Variants in PHTF2 observed in about 807,000 individuals in gnomAD.
PHTF2 encodes the protein putative homeodomain transcription factor 2, also known as protein PHTF2.
A neutral mutation model predicts 101.2 loss-of-function variants in PHTF2; 60 were observed. The observed-to-expected ratio is 0.59, with a 90% CI of 0.48 to 0.73. The LOEUF is 0.73. Ranked by LOEUF, PHTF2 falls within the 30% of genes least tolerant of loss-of-function variation. The probability of loss-of-function intolerance (pLI) is 0.00; values close to 1 mark genes in which losing one functional copy is unlikely to be tolerated. For synonymous variants in PHTF2, 311 were observed against 307.3 expected (o/e 1.01, Z -0.13); for missense variants, 747 against 908.7 (o/e 0.82, Z 2.29).
chr7:77,940,600 T>A (rs1805564400), exon 15 of PHTF2: 1 of 1,607,418 alleles, frequency 6.2e-7, no homozygotes, highest in East Asian at 2.2e-5. Flanking sequence ...GGTTCCTCAT[T>A]TCCGGTTGAA....
intron 3 of PHTF2, among the ~76,000 whole-genome samples, chr7:77,860,016 A>G (rs910385422): frequency 3.9e-5 from 6 of 152,220 alleles, no homozygotes; most frequent in Admixed American, 1.3e-4. Context: ...TATTATAAAT[A>G]ATAATAACAT....
intron 2 of PHTF2, among the ~76,000 whole-genome samples, chr7:77,854,216 C>G (rs1796985502): frequency 6.6e-6 from 1 of 152,174 alleles, no homozygotes; most frequent in Non-Finnish European, 1.5e-5. Context: ...GCAGGTACTG[C>G]TTTGGTTGTC....
chr7:77,948,263 A>G (rs116313656), intron 16 of PHTF2, among the ~76,000 whole-genome samples: 2,988 of 152,282 alleles, frequency 0.02, 82 homozygotes, highest in African/African-American at 0.067. Context: ...ATGGGATGAA[A>G]TAGAGTTGTA....
intron 3 of PHTF2, among the ~76,000 whole-genome samples, chr7:77,862,506 G>T (rs1026868513): frequency 1.3e-5 from 2 of 152,096 alleles, no homozygotes; most frequent in Admixed American, 6.6e-5. Flanking sequence ...GGCCTGTAGC[G>T]GTTGCCAGAT....
rs57283892 is a variant in PHTF2, at chr7:77,841,075, C to CTTTTTTTTTTTTTTTTTTTTTTT, written c.45+795_45+796insTTTTTTTTTTTTTTTTTTTTTTT. Among the ~76,000 whole-genome samples the CTTTTTTTTTTTTTTTTTTTTTTT allele has an allele frequency of 2.1e-4, 16 of 77,264 alleles. 4 individuals are homozygous for CTTTTTTTTTTTTTTTTTTTTTTT. The highest frequency in any genetic ancestry group is 8.7e-4 in the African/African-American group (13 of 14,900). 50.7% of individuals were successfully genotyped at this position (77,264 alleles called of 152,430 possible). A position where few individuals can be genotyped will look rare whatever the true frequency, so the allele number is the denominator to read the frequency against. On this transcript the variant is annotated intron_variant, in intron 2 of 19. Transcript: ENST00000416283. Reference sequence around the variant, plus strand: ...TTTCTTATATAGGAGAAAAAACAGACTTTTTTTTTTTTTTTTTTTTGAGAT... The same window carrying CTTTTTTTTTTTTTTTTTTTTTTT: ...TTTCTTATATAGGAGAAAAAACAGACTTTTTTTTTTTTTTTTTTTTTTTTTTTTTTTTTTTTTTTTTTTGAGAT...
intron 12 of PHTF2, among the ~76,000 whole-genome samples, chr7:77,936,706 T>TAAAAAAAAA (rs1195512245): frequency 4.4e-5 from 6 of 136,844 alleles, no homozygotes; most frequent in African/African-American, 1.8e-4. Flanking sequence ...TATGAGTCCT[T>TAAAAAAAAA]AAAAATACAC....
intron 3 of PHTF2, among the ~76,000 whole-genome samples, chr7:77,865,819 C>A (rs1056725276): frequency 6.6e-6 from 1 of 151,942 alleles, no homozygotes; most frequent in African/African-American, 2.4e-5. Flanking sequence ...TGTATCAAGC[C>A]AGGCACTTAT....
chr7:77,805,535 T>G (rs1011662487), intron 1 of PHTF2, among the ~76,000 whole-genome samples: 5 of 152,224 alleles, frequency 3.3e-5, no homozygotes, highest in Non-Finnish European at 7.3e-5. Flanking sequence ...GGAAAATGAG[T>G]GTTTAATTCT....
chr7:77,856,638 T>C lies in PHTF2; in HGVS notation c.147+1804T>C, dbSNP rs539754213. ...AGCTACCATACCTGGCTTAAAAGTA[T>C]TTTTTAAAAATGGGTGGTTTTGTTT... On this transcript the variant is annotated intron_variant, in intron 3 of 19. Transcript: ENST00000416283. 3.3e-5 allele frequency among the ~76,000 whole-genome samples: 5 copies of C among 152,278 alleles called. No individual in the cohort carries two copies. In the South Asian group the frequency reaches 1.0e-3, roughly 32 times the overall value.
chr7:77,900,707 A>G lies in PHTF2; in HGVS notation c.217-4A>G, dbSNP rs1473997240. ...ATTCCAATGCTTCTTTTGATATATT[A>G]TAGGGGCTAAGGAATAAACCAAAGA... On this transcript the variant is annotated splice_region_variant and splice_polypyrimidine_tract_variant and intron_variant, in intron 5 of 19. Transcript: ENST00000416283. 5.5e-6 allele frequency: 8 copies of G among 1,460,858 alleles called. No individual in the cohort carries two copies. The highest frequency in any genetic ancestry group is 2.3e-5 in the South Asian group (2 of 87,930). The allele number at this position is 1,460,858 out of a possible 1,614,324, so 90.5% of individuals were successfully genotyped here. A position where few individuals can be genotyped will look rare whatever the true frequency, so the allele number is the denominator to read the frequency against.
chr7:77,904,993 T>G (rs1801726046), intron 7 of PHTF2, among the ~76,000 whole-genome samples: 1 of 152,222 alleles, frequency 6.6e-6, no homozygotes, highest in African/African-American at 2.4e-5. Flanking sequence ...TATGAGATTT[T>G]TTTTAATTTT....
rs191790430 is a variant in PHTF2, at chr7:77,886,003, G to A, written c.148-7605G>A. 5.9e-5 allele frequency among the ~76,000 whole-genome samples: 9 copies of A among 152,310 alleles called. No individual in the cohort carries two copies. The East Asian group carries it at 1.7e-3, about 29-fold the overall frequency. On this transcript the variant is annotated intron_variant, in intron 3 of 19. Coordinates refer to ENST00000416283, the Ensembl canonical transcript of PHTF2. ...GGGCTTTGACATACAGTATTATGAT[G>A]TATCTGTTCATTAGTTAAGGAAACT... is the stretch of plus-strand genomic sequence containing the variant.
intron 13 of PHTF2, 138 bp downstream of exon 12, chr7:77,937,976 G>T (rs992208229): frequency 5.7e-5 from 19 of 332,958 alleles, no homozygotes; most frequent in African/African-American, 3.5e-4. Context: ...GTGTGTATTT[G>T]TTTCTGTCTG....
At chr7:77,955,010 T>G (rs1806909401) in exon 20 of PHTF2, 2 of 429,908 alleles carry the variant, frequency 4.7e-6, no homozygotes, top group Admixed American at 8.5e-5. Context: ...TCAGACTGTC[T>G]TGTGCAATTC....
intron 1 of PHTF2, among the ~76,000 whole-genome samples, chr7:77,823,065 C>T (rs1056124595): frequency 2.0e-5 from 3 of 151,514 alleles, no homozygotes; most frequent in Admixed American, 1.3e-4. Flanking sequence ...CTACCACGCC[C>T]GGCTAATTTT....
At chr7:77,810,893 A>G (rs1793388101) in intron 1 of PHTF2, among the ~76,000 whole-genome samples, 1 of 151,762 alleles carries the variant, frequency 6.6e-6, no homozygotes, top group African/African-American at 2.4e-5. Flanking sequence ...GATTTGGGTT[A>G]TGTAATTTAT....
intron 3 of PHTF2, among the ~76,000 whole-genome samples, chr7:77,887,803 C>T (rs905328923): frequency 9.2e-5 from 14 of 152,158 alleles, no homozygotes; most frequent in African/African-American, 3.4e-4. Flanking sequence ...GCACCAGAGG[C>T]TTAAGCTATT....
At chr7:77,801,710 A>G (rs1433214300) in intron 1 of PHTF2, among the ~76,000 whole-genome samples, 1 of 152,214 alleles carries the variant, frequency 6.6e-6, no homozygotes, top group Admixed American at 6.5e-5. Context: ...ACATAAATGA[A>G]TTTTGTGTTT....
intron 3 of PHTF2, among the ~76,000 whole-genome samples, chr7:77,858,372 G>T (rs1295077423): frequency 6.6e-6 from 1 of 152,140 alleles, no homozygotes; most frequent in Non-Finnish European, 1.5e-5. Flanking sequence ...TTGAGGGTTT[G>T]ACTTTAGAGG....
Sources: allele counts gnomAD v4.1 joint callset (sites outside exome capture counted in the v4.1 genomes callset), GRCh38; gene constraint gnomAD v4.1.1; transcripts MANE v1.5; gene names NCBI Gene and HGNC (gene_info 2026-07-23, HGNC 2026-07-21).